The following SGMS1 variants were observed in gnomAD, a reference collection of about 807,000 sequenced individuals.
SGMS1 encodes phosphatidylcholine:ceramide cholinephosphotransferase 1.
SGMS1 carries 13 observed loss-of-function variants against 46.2 expected under a neutral mutation model. The ratio of observed to expected loss-of-function variants is 0.28; its 90% confidence interval spans 0.18 to 0.45. The LOEUF is 0.45. Among genes scored for constraint, SGMS1 ranks in the 20% least tolerant of loss-of-function variants. SGMS1 has a pLI of 1.00. For missense variants in SGMS1, 324 were observed against 519.9 expected, an observed-to-expected ratio of 0.62 and a Z score of 3.66; for synonymous variants, 203 against 187.8, an observed-to-expected ratio of 1.08 and a Z score of -0.66.
intron 2 of SGMS1, among the ~76,000 whole-genome samples, chr10:50,577,718 A>G (rs1838397943): frequency 6.6e-6 from 1 of 152,218 alleles, no homozygotes; most frequent in Non-Finnish European, 1.5e-5. Context: ...TTTTAAGTGG[A>G]AAGCAATTTC....
At chr10:50,591,894 CAG>C (rs1474261505) in intron 1 of SGMS1, among the ~76,000 whole-genome samples, 2 of 152,344 alleles carry the variant, frequency 1.3e-5, no homozygotes, top group East Asian at 1.9e-4. Flanking sequence ...TCTGTAGACA[CAG>C]AGAGTTAGCA....
At chr10:50,413,745 C>T (rs1041502983) in intron 6 of SGMS1, among the ~76,000 whole-genome samples, 1 of 152,118 alleles carries the variant, frequency 6.6e-6, no homozygotes, top group African/African-American at 2.4e-5. Context: ...AGCTAATCAC[C>T]CAAGATCATA....
intron 3 of SGMS1, among the ~76,000 whole-genome samples, chr10:50,488,158 C>T (rs572862284): frequency 1.3e-4 from 20 of 151,976 alleles, no homozygotes; most frequent in South Asian, 8.3e-4. Flanking sequence ...GGATTATAAG[C>T]GCCCGCCACC....
chr10:50,394,044 C>T (rs980645663), intron 6 of SGMS1, among the ~76,000 whole-genome samples: 1 of 152,218 alleles, frequency 6.6e-6, no homozygotes, highest in Non-Finnish European at 1.5e-5. Flanking sequence ...AACTGCCATA[C>T]AAGCCAATTC....
intron 2 of SGMS1, among the ~76,000 whole-genome samples, chr10:50,524,062 T>C (rs931981311): frequency 1.3e-5 from 2 of 152,230 alleles, no homozygotes; most frequent in Admixed American, 6.5e-5. Flanking sequence ...TGACAAGTTA[T>C]ACCTTTCTTT....
upstream of SGMS1, chr10:50,624,236 C>T: frequency 1.9e-6 from 1 of 537,722 alleles, no homozygotes; most frequent in Non-Finnish European, 2.4e-6. Flanking sequence ...ATTTTACAAT[C>T]TGGGACGGTA....
At chr10:50,446,040 T>C (rs1837008581) in intron 5 of SGMS1, among the ~76,000 whole-genome samples, 1 of 152,076 alleles carries the variant, frequency 6.6e-6, no homozygotes, top group Non-Finnish European at 1.5e-5. Context: ...GATGAGGAAA[T>C]TCCCACCTAA....
At chr10:50,486,096 T>TG (rs1564926148) in intron 3 of SGMS1, among the ~76,000 whole-genome samples, 1 of 152,148 alleles carries the variant, frequency 6.6e-6, no homozygotes, top group Non-Finnish European at 1.5e-5. Flanking sequence ...TAAATGATGC[T>TG]GGGATAACTG....
At chr10:50,498,562 A>AT (rs1837635468) in intron 3 of SGMS1, among the ~76,000 whole-genome samples, 1 of 152,068 alleles carries the variant, frequency 6.6e-6, no homozygotes, top group South Asian at 2.1e-4. Flanking sequence ...AGCATATAGT[A>AT]TTTTTCCTTT....
intron 3 of SGMS1, among the ~76,000 whole-genome samples, chr10:50,477,103 A>G (rs118098972): frequency 0.014 from 2,206 of 152,338 alleles, 21 homozygotes; most frequent in Middle Eastern, 0.031. Context: ...ATGCACCTGG[A>G]AAAGTTGCAG....
chr10:50,321,610 C>A (rs7092981), intron 8 of SGMS1, among the ~76,000 whole-genome samples: 40,335 of 151,912 alleles, frequency 0.27, 5,484 homozygotes, highest in East Asian at 0.31. Flanking sequence ...ACTGGAAGAC[C>A]AGCAGAAAAT....
chr10:50,561,720 G>T (rs1449110884), intron 2 of SGMS1, among the ~76,000 whole-genome samples: 1 of 152,132 alleles, frequency 6.6e-6, no homozygotes, highest in Non-Finnish European at 1.5e-5. Context: ...AATTGATGTA[G>T]GAGAACTAAG....
At chr10:50,509,862 ATTT>A (rs1313962842) in intron 3 of SGMS1, among the ~76,000 whole-genome samples, 1 of 152,182 alleles carries the variant, frequency 6.6e-6, no homozygotes, top group African/African-American at 2.4e-5. Context: ...ATCATCAATT[ATTT>A]ATTTTTGTTG....
rs908818316 is a variant in SGMS1 at position 50,433,475 on chromosome 10, C to G, written c.-232+1G>C. The G allele has an allele frequency of 3.3e-5, 5 of 152,348 alleles. No homozygotes were observed. The highest frequency in any genetic ancestry group is 7.3e-5 in the Non-Finnish European group (5 of 68,046). 9.4% of individuals were successfully genotyped at this position (152,348 alleles called of 1,614,324 possible). On this transcript the variant is annotated splice_donor_variant, in intron 6 of 10. Coordinates refer to ENST00000361781, the MANE Select transcript of SGMS1 (RefSeq NM_147156.4). LOFTEE classifies it low-confidence loss of function (5UTR_SPLICE). ...CCAAAAGGCCAAGAACATTAACTTA[C>G]GGATTATTTAAAAACATTCTGGTCA...
At chr10:50,404,465 T>C (rs988869688) in intron 6 of SGMS1, among the ~76,000 whole-genome samples, 3 of 151,936 alleles carry the variant, frequency 2.0e-5, no homozygotes, top group African/African-American at 7.3e-5. Context: ...AAAAACTAGG[T>C]GGGCATCGTG....
At chr10:50,461,626 T>C (rs7914554) in intron 4 of SGMS1, among the ~76,000 whole-genome samples, 1,619 of 152,292 alleles carry the variant, frequency 0.011, 35 homozygotes, top group African/African-American at 0.037. Context: ...AAGCCTGTTC[T>C]ATCCCTCCCC....
intron 2 of SGMS1, among the ~76,000 whole-genome samples, chr10:50,555,902 A>G (rs1371450917): frequency 2.0e-5 from 3 of 152,238 alleles, no homozygotes; most frequent in African/African-American, 7.2e-5. Flanking sequence ...TTTGCTTTGT[A>G]AAAGAAATGC....
intron 6 of SGMS1, among the ~76,000 whole-genome samples, chr10:50,391,174 G>A (rs1589420467): frequency 6.6e-6 from 1 of 152,144 alleles, no homozygotes; most frequent in South Asian, 2.1e-4. Context: ...CCATTCCAAA[G>A]CAACTCAAAA....
chr10:50,532,243 G>GTGTA (rs1837961526), intron 2 of SGMS1, among the ~76,000 whole-genome samples: 1 of 149,892 alleles, frequency 6.7e-6, no homozygotes, highest in Admixed American at 6.6e-5. Flanking sequence ...GTGTGTGTGT[G>GTGTA]TGTGTGTGTG....
Sources: gnomAD v4.1 joint callset for allele counts (sites outside exome capture counted in the v4.1 genomes callset) on GRCh38, gnomAD v4.1.1 for gene constraint, MANE v1.5 for transcripts, NCBI Gene and HGNC (gene_info 2026-07-23, HGNC 2026-07-21) for gene names.